The following KLHL28 variants were observed in gnomAD, a reference collection of about 807,000 sequenced individuals.
The protein encoded by KLHL28 is kelch like family member 28, also known as kelch-like protein 28.
In KLHL28, 22 loss-of-function variants were observed where a neutral mutation model predicts 48.3. The ratio of observed to expected loss-of-function variants is 0.46; its 90% CI spans 0.33 to 0.65. The LOEUF is 0.65. Ranked by LOEUF, KLHL28 falls within the 30% of genes least tolerant of loss-of-function variation. KLHL28 has a pLI of 0.03. For missense variants in KLHL28, 527 were observed against 704.3 expected (o/e 0.75, Z 2.85); for synonymous variants, 243 against 242.4 (o/e 1.00, Z -0.02).
intron 3 of KLHL28, among the ~76,000 whole-genome samples, chr14:44,932,212 T>C (rs1883619513): frequency 1.7e-5 from 2 of 119,652 alleles, no homozygotes; most frequent in Non-Finnish European, 3.2e-5. Flanking sequence ...TTTAGGATCT[T>C]CTATACAGTT....
intron 1 of KLHL28, among the ~76,000 whole-genome samples, chr14:44,951,030 G>C (rs1319128551): frequency 2.0e-5 from 3 of 152,208 alleles, no homozygotes; most frequent in South Asian, 2.1e-4. Flanking sequence ...AGATTGAAAA[G>C]AAGATTAGCC....
chr14:44,948,220 C>T (rs767714808), intron 1 of KLHL28, among the ~76,000 whole-genome samples: 7 of 152,112 alleles, frequency 4.6e-5, no homozygotes, highest in Non-Finnish European at 8.8e-5. Context: ...AGAATGAGAT[C>T]ATAATAATAC....
At chr14:44,961,293 C>A (rs1168101295) in intron 1 of KLHL28, among the ~76,000 whole-genome samples, 1 of 151,926 alleles carries the variant, frequency 6.6e-6, no homozygotes, top group Non-Finnish European at 1.5e-5. Context: ...GAGGCTAGGG[C>A]GGCAGACGGA....
At position 44,928,922 on chromosome 14, in the gene KLHL28, G is replaced by A. The variant is rs564800938; in HGVS notation, c.*106C>T. On this transcript the variant is annotated 3_prime_UTR_variant, in exon 5 of 5. Transcript: ENST00000396128. ...CTTTTGAGCCTTCATGCTACTTCAAGTTAAAAAGAAAGCAATGCAGCTTGT... is the reference window on the plus strand; with the variant it reads ...CTTTTGAGCCTTCATGCTACTTCAAATTAAAAAGAAAGCAATGCAGCTTGT... The A allele has an allele frequency of 1.7e-4, 171 of 1,024,066 alleles. No homozygotes were observed. The South Asian group carries it at 2.9e-3, about 18-fold the overall frequency. The allele number at this position is 1,024,066 out of a possible 1,614,324, so 63.4% of individuals were successfully genotyped here.
At chr14:44,938,708 C>T (rs748427902) in intron 2 of KLHL28, among the ~76,000 whole-genome samples, 3 of 152,142 alleles carry the variant, frequency 2.0e-5, no homozygotes, top group South Asian at 2.1e-4. Flanking sequence ...TAATCTCCTT[C>T]GACTCCATGT....
chr14:44,933,216 G>A (rs938002823), intron 3 of KLHL28, among the ~76,000 whole-genome samples: 14 of 151,958 alleles, frequency 9.2e-5, no homozygotes, highest in African/African-American at 3.4e-4. Context: ...GGATATGGAG[G>A]GCTGACTGTA....
intron 2 of KLHL28, 131 bp downstream of exon 2, chr14:44,944,899 G>A (rs1228575276): frequency 1.5e-6 from 1 of 669,050 alleles, no homozygotes; most frequent in African/African-American, 1.8e-5. Flanking sequence ...TTAGGAAGAA[G>A]AAAAAAAACT....
chr14:44,955,419 AT>A (rs2138666417), intron 1 of KLHL28, among the ~76,000 whole-genome samples: 1 of 152,142 alleles, frequency 6.6e-6, no homozygotes, highest in East Asian at 1.9e-4. Flanking sequence ...TCTAAATACC[AT>A]TTCCCTCAAA....
intron 4 of KLHL28, among the ~76,000 whole-genome samples, chr14:44,931,001 T>C (rs1051580027): frequency 2.6e-5 from 4 of 152,170 alleles, no homozygotes; most frequent in African/African-American, 9.7e-5. Context: ...AATCCGAGGA[T>C]TGTATGTATG....
Position 44,929,114 on chromosome 14 carries a change from G to T in KLHL28, c.1630C>A (p.Gln544Lys). ...GTATCTGAGATAGGATCATATTTCT[G>T]CACTGTATTCAGATAGGAAGACCCT... is the stretch of plus-strand genomic sequence containing the variant. ...HSGSSYLNTVQKYDPISDTWL... is the reference protein window; with the variant it reads ...HSGSSYLNTVKKYDPISDTWL... The change falls in exon 5 of 5, where the codon CAG becomes AAG. Residue 544 changes from glutamine (Q) to lysine (K), a missense_variant. Gln to Lys is a moderately conservative substitution (Grantham distance 53). Transcript: ENST00000396128. 1 of 1,613,718 alleles carries T rather than the reference G, an allele frequency of 6.2e-7. No homozygotes were observed. Among genetic ancestry groups the T allele is most frequent in the Non-Finnish European group, 8.5e-7 (1 of 1,179,818 alleles).
intron 1 of KLHL28, among the ~76,000 whole-genome samples, chr14:44,951,761 G>A (rs7145870): frequency 0.15 from 23,292 of 152,204 alleles, 3,286 homozygotes; most frequent in African/African-American, 0.37. Flanking sequence ...AATCAAAACA[G>A]TGTCAACTAG....
In KLHL28 at chr14:44,943,148, A is replaced by T. The variant is rs531891900; in HGVS notation, c.899+1882T>A. Among the ~76,000 whole-genome samples, 20 of 152,346 alleles carry T rather than the reference A, an allele frequency of 1.3e-4. No homozygotes were observed. The East Asian group carries it at 3.5e-3, about 26-fold the overall frequency. ...TATTCTTCAATAATTTGTTATTTTT[A>T]ATAGTTGAGAAAATAAGAGGCAACT... On this transcript the variant is annotated intron_variant, in intron 2 of 4. Transcript: ENST00000396128.
At chr14:44,953,332 G>A (rs1884666252) in intron 1 of KLHL28, among the ~76,000 whole-genome samples, 1 of 152,180 alleles carries the variant, frequency 6.6e-6, no homozygotes, top group South Asian at 2.1e-4. Flanking sequence ...TATGAAAAAT[G>A]TAATTATATA....
intron 2 of KLHL28, among the ~76,000 whole-genome samples, chr14:44,942,886 C>T (rs1430329472): frequency 6.6e-6 from 1 of 152,112 alleles, no homozygotes; most frequent in Non-Finnish European, 1.5e-5. Flanking sequence ...GTCTCCTTTA[C>T]TAAATTATGA....
Position 44,934,300 on chromosome 14 carries a change from TC to T in KLHL28, c.1157del (p.Gly386GlufsTer6). On this transcript the variant is annotated frameshift_variant, in exon 3 of 5. Transcript: ENST00000396128. LOFTEE classifies it high-confidence loss of function. ...CATAACCACCTAAGGCATAAAGTTC[TC>T]CTGCAAGTACTACTACTCCAAGAGT... ...RSTLGVVVLAGELYALGGYDG... is the reference protein window; with the variant it reads ...RSTLGVVVLAXELYALGGYDG... 6.2e-7 allele frequency: 1 copy of T among 1,614,182 alleles called. No individual in the cohort carries two copies. The highest frequency in any genetic ancestry group is 8.5e-7 in the Non-Finnish European group (1 of 1,180,016).
At chr14:44,960,804 C>T (rs960919140) in intron 1 of KLHL28, 62 of 521,956 alleles carry the variant, frequency 1.2e-4, no homozygotes, top group Non-Finnish European at 1.8e-4. Flanking sequence ...CTTGCATCAG[C>T]TGGGAGCATT....
intron 1 of KLHL28, among the ~76,000 whole-genome samples, chr14:44,958,907 T>C (rs1019842051): frequency 1.3e-5 from 2 of 151,964 alleles, no homozygotes; most frequent in African/African-American, 2.4e-5. Context: ...TAGATGAAAA[T>C]ATATCACTCA....
rs1451711016 is a variant in KLHL28 at position 44,926,319 on chromosome 14, T to C, written c.*2709A>G. The C allele has an allele frequency of 6.6e-6, 1 of 152,198 alleles. No individual in the cohort carries two copies. The highest frequency in any genetic ancestry group is 1.5e-5 in the Non-Finnish European group (1 of 68,036). The allele number at this position is 152,198 out of a possible 1,614,324, so 9.4% of individuals were successfully genotyped here. ...TTGTTCACTGGTGTATGGCTCCTAC[T>C]ACTACTGCCCAAGATATTTCACATT... On this transcript the variant is annotated 3_prime_UTR_variant, in exon 5 of 5. Coordinates refer to ENST00000396128, the MANE Select transcript of KLHL28 (RefSeq NM_017658.5).
At chr14:44,949,113 C>T (rs1031444772) in intron 1 of KLHL28, among the ~76,000 whole-genome samples, 1 of 152,024 alleles carries the variant, frequency 6.6e-6, no homozygotes, top group Non-Finnish European at 1.5e-5. Flanking sequence ...TTTAAAAGAG[C>T]CTGCAAATGA....
Sources: allele counts gnomAD v4.1 joint callset (sites outside exome capture counted in the v4.1 genomes callset), GRCh38; gene constraint gnomAD v4.1.1; transcripts MANE v1.5; gene names NCBI Gene and HGNC (gene_info 2026-07-23, HGNC 2026-07-21).